Variants in CSTPP1 observed in about 807,000 individuals in gnomAD.
The protein encoded by CSTPP1 is centriolar satellite-associated tubulin polyglutamylase complex regulator 1, also known as UPF0705 protein C11orf49.
the CSTPP1 span, among the ~76,000 whole-genome samples, chr11:47,057,925 C>T: frequency 2.4e-3 from 366 of 152,250 alleles, no homozygotes; most frequent in African/African-American, 8.3e-3. Context: ...AGGATTAAAT[C>T]GATCCGCAAG....
chr11:47,062,993 T>A, the CSTPP1 span, among the ~76,000 whole-genome samples: 7 of 152,316 alleles, frequency 4.6e-5, no homozygotes, highest in African/African-American at 1.4e-4. Flanking sequence ...CTTCACCTGC[T>A]GACATTCCCT....
At chr11:47,034,038 A>G in the CSTPP1 span, among the ~76,000 whole-genome samples, 3 of 152,118 alleles carry the variant, frequency 2.0e-5, no homozygotes, top group Non-Finnish European at 2.9e-5. Context: ...AACATGGCAC[A>G]TGTATAGATA....
At chr11:47,008,156 G>A in the CSTPP1 span, among the ~76,000 whole-genome samples, 19 of 152,080 alleles carry the variant, frequency 1.2e-4, no homozygotes, top group Admixed American at 2.6e-4. Context: ...TAGTAGAGAC[G>A]GGGTTTCACC....
At chr11:46,991,947 G>C in the CSTPP1 span, among the ~76,000 whole-genome samples, 1 of 152,094 alleles carries the variant, frequency 6.6e-6, no homozygotes, top group African/African-American at 2.4e-5. Context: ...CACCGTGTTA[G>C]CCAGGCTTGT....
At chr11:47,123,843 A>G in the CSTPP1 span, among the ~76,000 whole-genome samples, 1 of 152,144 alleles carries the variant, frequency 6.6e-6, no homozygotes, top group African/African-American at 2.4e-5. Context: ...TCTACTAAAA[A>G]TACAAAAATT....
chr11:47,151,597 C>CT, the CSTPP1 span, among the ~76,000 whole-genome samples: 1 of 150,106 alleles, frequency 6.7e-6, no homozygotes, highest in Non-Finnish European at 1.5e-5. Context: ...CAGAGGGTGG[C>CT]GGGGGGAAGT....
chr11:47,139,708 C>T, the CSTPP1 span, among the ~76,000 whole-genome samples: 1 of 151,808 alleles, frequency 6.6e-6, no homozygotes. Flanking sequence ...AGTGATGAAC[C>T]CCAGTTGAGG....
chr11:47,044,130 G>A, the CSTPP1 span, among the ~76,000 whole-genome samples: 3 of 152,000 alleles, frequency 2.0e-5, no homozygotes, highest in African/African-American at 7.3e-5. Context: ...GGGATTACAG[G>A]CATGCACCAT....
chr11:47,042,044 T>A, the CSTPP1 span: 74 of 172,258 alleles, frequency 4.3e-4, 6 homozygotes, highest in African/African-American at 1.2e-3. Flanking sequence ...CAAAAAAAAA[T>A]TTTTTTAAAT....
At chr11:47,063,640 A>C in the CSTPP1 span, among the ~76,000 whole-genome samples, 1 of 152,266 alleles carries the variant, frequency 6.6e-6, no homozygotes, top group East Asian at 1.9e-4. Flanking sequence ...TCCATGTTGT[A>C]ATATGTATCT....
the CSTPP1 span, among the ~76,000 whole-genome samples, chr11:46,980,826 A>G: frequency 6.6e-6 from 1 of 152,212 alleles, no homozygotes; most frequent in Non-Finnish European, 1.5e-5. Context: ...AAACATGAAA[A>G]TGTGCTTAAC....
chr11:46,964,313 T>G, the CSTPP1 span, among the ~76,000 whole-genome samples: 1 of 150,012 alleles, frequency 6.7e-6, no homozygotes, highest in Non-Finnish European at 1.5e-5. Context: ...TGAAATGGAG[T>G]CTCGCTCTGT....
chr11:47,068,836 AAAG>A, the CSTPP1 span, among the ~76,000 whole-genome samples: 1 of 152,204 alleles, frequency 6.6e-6, no homozygotes, highest in Admixed American at 6.5e-5. Context: ...CATCCAGTAT[AAAG>A]ATTTTATGTA....
the CSTPP1 span, among the ~76,000 whole-genome samples, chr11:47,011,947 A>G: frequency 1.3e-5 from 2 of 152,172 alleles, no homozygotes; most frequent in Non-Finnish European, 2.9e-5. Context: ...CAAATAAATT[A>G]GTAAGGTAGC....
chr11:46,997,889 A>G, the CSTPP1 span, among the ~76,000 whole-genome samples: 1 of 152,106 alleles, frequency 6.6e-6, no homozygotes, highest in Non-Finnish European at 1.5e-5. Flanking sequence ...ATTGCAGAGG[A>G]GCAAATGTAG....
the CSTPP1 span, among the ~76,000 whole-genome samples, chr11:47,012,882 G>A: frequency 6.6e-6 from 1 of 151,174 alleles, no homozygotes; most frequent in Non-Finnish European, 1.5e-5. Flanking sequence ...GGTATCCTTG[G>A]GTCTAATGTT....
At chr11:46,992,218 CTTTTT>C in the CSTPP1 span, among the ~76,000 whole-genome samples, 3 of 151,520 alleles carry the variant, frequency 2.0e-5, no homozygotes, top group South Asian at 6.3e-4. Flanking sequence ...TCCTCCCTTT[CTTTTT>C]TTATTTTTTT....
the CSTPP1 span, among the ~76,000 whole-genome samples, chr11:47,013,019 A>G: frequency 6.8e-6 from 1 of 147,256 alleles, no homozygotes; most frequent in Non-Finnish European, 1.5e-5. Flanking sequence ...TATTATATAA[A>G]TAATAACTAT....
the CSTPP1 span, among the ~76,000 whole-genome samples, chr11:46,997,852 A>G: frequency 6.6e-6 from 1 of 152,292 alleles, no homozygotes; most frequent in East Asian, 1.9e-4. Context: ...CCTGGGTATC[A>G]CCAGCGGAGG....
Sources: allele counts gnomAD v4.1 joint callset (sites outside exome capture counted in the v4.1 genomes callset), GRCh38; gene constraint gnomAD v4.1.1; transcripts MANE v1.5; gene names NCBI Gene and HGNC (gene_info 2026-07-23, HGNC 2026-07-21).